SPOCK3: variants seen among roughly 807,000 people sequenced by gnomAD.
SPOCK3 encodes the protein testican-3.
In SPOCK3, 30 loss-of-function variants were observed where a neutral mutation model predicts 56.6. That is an observed-to-expected ratio of 0.53 (90% CI 0.40 to 0.72). The LOEUF is 0.72. Among genes scored for constraint, SPOCK3 ranks in the 30% least tolerant of loss-of-function variants. The pLI is 0.00. For missense variants in SPOCK3, 527 were observed against 530.0 expected, an observed-to-expected ratio of 0.99 and a Z score of 0.06; for synonymous variants, 196 against 183.3, an observed-to-expected ratio of 1.07 and a Z score of -0.56.
rs184031508 is a variant in SPOCK3, at chr4:166,889,618, C to T, written c.475-374G>A. ...CTCTTGAGCTTCTCAAATATAATCTCGGTTTTTGGTTACTTAAGTAAGCAT... is the reference window on the plus strand; with the variant it reads ...CTCTTGAGCTTCTCAAATATAATCTTGGTTTTTGGTTACTTAAGTAAGCAT... On this transcript the variant is annotated intron_variant, in intron 5 of 10. Coordinates refer to ENST00000357545, the MANE Select transcript of SPOCK3 (RefSeq NM_001040159.2). Among the ~76,000 whole-genome samples the T allele has an allele frequency of 2.5e-3, 383 of 151,980 alleles. 3 individuals are homozygous for T. The highest frequency in any genetic ancestry group is 8.8e-3 in the African/African-American group (367 of 41,496).
intron 3 of SPOCK3, among the ~76,000 whole-genome samples, chr4:167,053,887 G>A (rs77264133): frequency 6.6e-6 from 1 of 151,824 alleles, no homozygotes; most frequent in African/African-American, 2.4e-5. Context: ...CCCCAAAAAC[G>A]TGGAGGAGCA....
At chr4:167,061,088 A>C (rs1286270679) in intron 3 of SPOCK3, among the ~76,000 whole-genome samples, 2 of 152,006 alleles carry the variant, frequency 1.3e-5, no homozygotes, top group Non-Finnish European at 2.9e-5. Context: ...AATTGTTTGG[A>C]AGACTCTCAA....
chr4:166,878,140 G>A (rs1184344364), intron 6 of SPOCK3, among the ~76,000 whole-genome samples: 2 of 152,074 alleles, frequency 1.3e-5, no homozygotes, highest in Non-Finnish European at 2.9e-5. Flanking sequence ...TTATCTGGGC[G>A]AATTGGCACA....
intron 4 of SPOCK3, among the ~76,000 whole-genome samples, chr4:166,994,669 AATCC>A (rs2150117971): frequency 6.6e-6 from 1 of 152,246 alleles, no homozygotes; most frequent in South Asian, 2.1e-4. Flanking sequence ...AAATAAAGTC[AATCC>A]TGTGACTTAT....
chr4:167,084,747 G>A (rs969297597), intron 2 of SPOCK3, among the ~76,000 whole-genome samples: 6 of 151,122 alleles, frequency 4.0e-5, no homozygotes, highest in Middle Eastern at 3.4e-3. Flanking sequence ...TAGAATGAAA[G>A]TAAATATAAA....
At chr4:167,114,705 A>G (rs530262343) in intron 2 of SPOCK3, among the ~76,000 whole-genome samples, 1 of 152,292 alleles carries the variant, frequency 6.6e-6, no homozygotes, top group East Asian at 1.9e-4. Flanking sequence ...CTGAAAATAA[A>G]TAACTCTGAG....
At chr4:166,955,518 AT>A (rs1055281916) in intron 4 of SPOCK3, among the ~76,000 whole-genome samples, 17 of 105,096 alleles carry the variant, frequency 1.6e-4, no homozygotes, top group African/African-American at 9.2e-4. Flanking sequence ...TTATTAAATT[AT>A]ATTATATTAT....
intron 1 of SPOCK3, 84 bp downstream of exon 1, chr4:167,234,366 C>T: frequency 1.6e-6 from 1 of 615,038 alleles, no homozygotes; most frequent in Non-Finnish European, 2.9e-6. Context: ...ACACGCAGAC[C>T]CAGAGGAGGA....
At chr4:167,126,722 A>C (rs977763379) in intron 2 of SPOCK3, among the ~76,000 whole-genome samples, 1 of 152,120 alleles carries the variant, frequency 6.6e-6, no homozygotes, top group Admixed American at 6.6e-5. Flanking sequence ...CTTACAATCA[A>C]GTCCTAATTA....
rs377298995 is a variant in SPOCK3, at chr4:167,082,704, A to C, written c.190-20167T>G. Among the ~76,000 whole-genome samples the C allele has an allele frequency of 8.6e-5, 13 of 150,348 alleles. No homozygotes were observed. The South Asian group carries it at 2.3e-3, about 27-fold the overall frequency. On this transcript the variant is annotated intron_variant, in intron 2 of 10. Coordinates refer to ENST00000357545, the MANE Select transcript of SPOCK3 (RefSeq NM_001040159.2). ...TTGTTCAGTTCTTAGTTGTAACACA[A>C]ATCTCAAAAGACTGCCATGTTGGAG...
chr4:166,871,766 T>C (rs539561389), intron 6 of SPOCK3, among the ~76,000 whole-genome samples: 1 of 151,280 alleles, frequency 6.6e-6, no homozygotes, highest in East Asian at 1.9e-4. Context: ...AACTAAAATA[T>C]CTTATGATAT....
chr4:166,739,159 A>T (rs1482804659), intron 9 of SPOCK3, among the ~76,000 whole-genome samples: 1 of 152,082 alleles, frequency 6.6e-6, no homozygotes, highest in Non-Finnish European at 1.5e-5. Flanking sequence ...AATGATTCCC[A>T]TTCTAACCGG....
chr4:166,775,152 G>A (rs1433902013), intron 7 of SPOCK3, among the ~76,000 whole-genome samples: 2 of 152,016 alleles, frequency 1.3e-5, no homozygotes, highest in African/African-American at 4.8e-5. Context: ...GAAGAGTAAC[G>A]GATCTATGGT....
At chr4:166,763,174 C>G (rs898101645) in intron 7 of SPOCK3, among the ~76,000 whole-genome samples, 1 of 151,070 alleles carries the variant, frequency 6.6e-6, no homozygotes, top group African/African-American at 2.4e-5. Flanking sequence ...AATACTGAAA[C>G]AGGAGAAATT....
intron 2 of SPOCK3, among the ~76,000 whole-genome samples, chr4:167,186,978 C>CAAAA (rs67424272): frequency 2.3e-5 from 2 of 88,410 alleles, no homozygotes; most frequent in African/African-American, 3.8e-5. Flanking sequence ...CTCTGTGCCT[C>CAAAA]AAAAAAAAAA....
intron 3 of SPOCK3, chr4:167,011,227 A>T (rs1442594050): frequency 2.2e-6 from 1 of 453,524 alleles, no homozygotes; most frequent in African/African-American, 2.0e-5. Flanking sequence ...CTTACCTGGC[A>T]AGTACTAATC....
chr4:166,969,826 A>C (rs965983360), intron 4 of SPOCK3, among the ~76,000 whole-genome samples: 1 of 152,146 alleles, frequency 6.6e-6, no homozygotes, highest in African/African-American at 2.4e-5. Flanking sequence ...TTTTTTAGGT[A>C]ATTCAACAAT....
At chr4:166,826,038 T>C (rs574518131) in intron 6 of SPOCK3, among the ~76,000 whole-genome samples, 4 of 152,036 alleles carry the variant, frequency 2.6e-5, no homozygotes, top group Non-Finnish European at 5.9e-5. Context: ...CAAAAACTAT[T>C]AAATTTTTTA....
At chr4:167,045,101 T>C (rs1214702091) in intron 3 of SPOCK3, among the ~76,000 whole-genome samples, 3 of 152,188 alleles carry the variant, frequency 2.0e-5, no homozygotes, top group Non-Finnish European at 4.4e-5. Flanking sequence ...GTTAGGCATA[T>C]GCAAGTTAAA....
Sources: gnomAD v4.1 joint callset for allele counts (sites outside exome capture counted in the v4.1 genomes callset) on GRCh38, gnomAD v4.1.1 for gene constraint, MANE v1.5 for transcripts, NCBI Gene and HGNC (gene_info 2026-07-23, HGNC 2026-07-21) for gene names.